SCGB2B2: variants seen among roughly 807,000 people sequenced by gnomAD.
The protein encoded by SCGB2B2 is secretoglobin family 2B member 2.
In SCGB2B2, 11 loss-of-function variants were observed where a neutral mutation model predicts 7.6. The observed-to-expected ratio is 1.45, with a 90% CI of 0.91 to 2.40. SCGB2B2 has a LOEUF of 2.40. Among genes scored for constraint, SCGB2B2 ranks in the 30% most tolerant of loss-of-function variants. The pLI, the probability that SCGB2B2 is intolerant of heterozygous loss-of-function variation, is 0.00. For synonymous variants in SCGB2B2, 50 were observed against 48.6 expected, an observed-to-expected ratio of 1.03 and a Z score of -0.12; for missense variants, 104 against 115.4, an observed-to-expected ratio of 0.90 and a Z score of 0.45.
At chr19:34,594,412 A>T in intron 2 of SCGB2B2, 53 bp from the exon 3 acceptor site, 1 of 1,601,898 alleles carries the variant, frequency 6.2e-7, no homozygotes. Context: ...ATTCAGCGAA[A>T]CCTCCCATGG....
rs572846717 is a variant in SCGB2B2 at position 34,596,904 on chromosome 19, C to T, written c.-2031-310G>A. On this transcript the variant is annotated intron_variant, in intron 1 of 3. Coordinates refer to ENST00000601241, the MANE Select transcript of SCGB2B2 (RefSeq NM_001025591.4). ...CTCTGGACCCCAGAGCACTGTGTCC[C>T]GTCTCAACCCCCACAGCTGCAAGTG... is the stretch of plus-strand genomic sequence containing the variant. Among the ~76,000 whole-genome samples the T allele has an allele frequency of 2.6e-5, 4 of 152,022 alleles. No homozygotes were observed. In the East Asian group the frequency reaches 5.9e-4, roughly 22 times the overall value.
chr19:34,653,835 T>C (rs1045610612), intron 1 of SCGB2B2, among the ~76,000 whole-genome samples: 7 of 151,152 alleles, frequency 4.6e-5, no homozygotes, highest in African/African-American at 1.5e-4. Context: ...AATATGGTAA[T>C]ATATAAAAAC....
intron 1 of SCGB2B2, among the ~76,000 whole-genome samples, chr19:34,599,325 C>A (rs2065551554): frequency 6.6e-6 from 1 of 152,232 alleles, no homozygotes; most frequent in African/African-American, 2.4e-5. Context: ...GCCCTTTCTC[C>A]TTCTCCCCAT....
intron 1 of SCGB2B2, among the ~76,000 whole-genome samples, chr19:34,659,242 C>A (rs2146123273): frequency 6.6e-6 from 1 of 152,274 alleles, no homozygotes; most frequent in Non-Finnish European, 1.5e-5. Flanking sequence ...GAGAAGGATG[C>A]CCTCTCTCAC....
At chr19:34,660,253 G>C (rs1299233484) in intron 1 of SCGB2B2, among the ~76,000 whole-genome samples, 1 of 152,190 alleles carries the variant, frequency 6.6e-6, no homozygotes, top group Admixed American at 6.5e-5. Flanking sequence ...AACACCAAAA[G>C]CAATGGCAAC....
intron 1 of SCGB2B2, among the ~76,000 whole-genome samples, chr19:34,668,255 G>C (rs1162718749): frequency 6.6e-6 from 1 of 152,218 alleles, no homozygotes; most frequent in Non-Finnish European, 1.5e-5. Flanking sequence ...GGAGTTCCCG[G>C]TGGGCGTGGG....
chr19:34,669,091 G>C (rs1167398027), intron 1 of SCGB2B2, among the ~76,000 whole-genome samples: 1 of 152,058 alleles, frequency 6.6e-6, no homozygotes, highest in Non-Finnish European at 1.5e-5. Context: ...CTTCACTCCT[G>C]AAGCCAGCGA....
intron 1 of SCGB2B2, among the ~76,000 whole-genome samples, chr19:34,627,704 C>T (rs1165947957): frequency 6.6e-6 from 1 of 152,148 alleles, no homozygotes; most frequent in African/African-American, 2.4e-5. Context: ...CAACATTAGA[C>T]AGATCAACGA....
chr19:34,644,127 G>A (rs934915129), intron 1 of SCGB2B2, among the ~76,000 whole-genome samples: 1 of 152,148 alleles, frequency 6.6e-6, no homozygotes, highest in African/African-American at 2.4e-5. Context: ...GGGTAACGTG[G>A]CATACGAGCA....
intron 1 of SCGB2B2, among the ~76,000 whole-genome samples, chr19:34,623,945 A>G (rs1351502836): frequency 3.3e-5 from 5 of 152,176 alleles, no homozygotes; most frequent in Admixed American, 2.0e-4. Flanking sequence ...GACTATTGAA[A>G]GTGGAGTTTT....
intron 1 of SCGB2B2, among the ~76,000 whole-genome samples, chr19:34,636,650 G>A (rs2066688406): frequency 6.6e-6 from 1 of 152,226 alleles, no homozygotes; most frequent in Admixed American, 6.5e-5. Context: ...AGAGGTGGGA[G>A]TCGGCCCTGG....
At chr19:34,601,507 T>C (rs555898028) in intron 1 of SCGB2B2, among the ~76,000 whole-genome samples, 1 of 152,348 alleles carries the variant, frequency 6.6e-6, no homozygotes, top group South Asian at 2.1e-4. Context: ...CTATTTTCTC[T>C]CAATAATTTT....
chr19:34,633,185 G>A (rs1399512097), intron 1 of SCGB2B2, among the ~76,000 whole-genome samples: 1 of 152,156 alleles, frequency 6.6e-6, no homozygotes, highest in African/African-American at 2.4e-5. Context: ...TGGAAAATGT[G>A]AATGGTGAAT....
At chr19:34,598,204 C>T (rs138855242) in intron 1 of SCGB2B2, among the ~76,000 whole-genome samples, 8 of 152,212 alleles carry the variant, frequency 5.3e-5, no homozygotes, top group Admixed American at 2.0e-4. Context: ...GGAACAGTGA[C>T]GCAGCACATG....
chr19:34,614,783 T>C (rs2066025782), intron 1 of SCGB2B2, among the ~76,000 whole-genome samples: 1 of 152,224 alleles, frequency 6.6e-6, no homozygotes, highest in South Asian at 2.1e-4. Context: ...TCCCCTCCAG[T>C]TGGATATTCT....
At chr19:34,672,052 A>T (rs1014918388) in intron 1 of SCGB2B2, among the ~76,000 whole-genome samples, 1 of 152,158 alleles carries the variant, frequency 6.6e-6, no homozygotes, top group African/African-American at 2.4e-5. Context: ...GAAGCGAGTG[A>T]ACTGCTTGAG....
At chr19:34,653,330 A>G (rs1469845795) in intron 1 of SCGB2B2, among the ~76,000 whole-genome samples, 1 of 151,078 alleles carries the variant, frequency 6.6e-6, no homozygotes, top group African/African-American at 2.5e-5. Context: ...TTTATTGTAT[A>G]TTTTCAAATA....
At chr19:34,612,759 G>A (rs1329518138) in intron 1 of SCGB2B2, among the ~76,000 whole-genome samples, 2 of 152,158 alleles carry the variant, frequency 1.3e-5, no homozygotes, top group Non-Finnish European at 2.9e-5. Context: ...GGGTGTTGAA[G>A]CTCCCCAACT....
chr19:34,622,499 G>A (rs1450150986), intron 1 of SCGB2B2, among the ~76,000 whole-genome samples: 1 of 152,174 alleles, frequency 6.6e-6, no homozygotes, highest in Non-Finnish European at 1.5e-5. Flanking sequence ...TTTGGGAAGG[G>A]CAAAGAGGAA....
Sources: allele counts gnomAD v4.1 joint callset (sites outside exome capture counted in the v4.1 genomes callset), GRCh38; gene constraint gnomAD v4.1.1; transcripts MANE v1.5; gene names NCBI Gene and HGNC (gene_info 2026-07-23, HGNC 2026-07-21).